CSMD1: variants seen among roughly 807,000 people sequenced by gnomAD.
CSMD1 encodes the protein CUB and Sushi multiple domains 1.
In CSMD1, 213 loss-of-function variants were observed where a neutral mutation model predicts 417.5. That is an observed-to-expected ratio of 0.51 (90% confidence interval 0.46 to 0.57). The LOEUF (loss-of-function observed/expected upper bound fraction) is 0.57, where lower values mean the gene tolerates loss of function less well. Ranked by LOEUF, CSMD1 falls within the 20% of genes least tolerant of loss-of-function variation. The pLI is 0.00. For missense variants in CSMD1, 6,923 were observed against 4,529.7 expected (o/e 1.53, Z -15.17); for synonymous variants, 2,862 against 1,736.8 (o/e 1.65, Z -16.11).
intron 10 of CSMD1, among the ~76,000 whole-genome samples, chr8:3,565,159 A>AG (rs1227116385): frequency 2.8e-4 from 38 of 138,060 alleles, no homozygotes; most frequent in African/African-American, 1.0e-3. Context: ...AAAAAAAAAA[A>AG]AGAGAGAGAT....
Position 3,146,372 on chromosome 8 carries a change from T to C in CSMD1, c.6032-3698A>G, listed in dbSNP as rs1040390933. Among the ~76,000 whole-genome samples, 6 of 152,184 alleles carry C rather than the reference T, an allele frequency of 3.9e-5. No individual in the cohort carries two copies. In the South Asian group the frequency reaches 6.2e-4, roughly 16 times the overall value. On this transcript the variant is annotated intron_variant, in intron 40 of 69. Transcript: ENST00000635120. ...GCACACAACTATCAGGTTTAGCTAC[T>C]AGATAAGTAAACTAGAATTTGGTTT...
At chr8:4,212,498 A>G (rs1022872347) in intron 3 of CSMD1, among the ~76,000 whole-genome samples, 1 of 152,074 alleles carries the variant, frequency 6.6e-6, no homozygotes, top group Non-Finnish European at 1.5e-5. Context: ...AAGCGATCCT[A>G]AAGCTTATTT....
intron 1 of CSMD1, among the ~76,000 whole-genome samples, chr8:4,921,520 A>G (rs1441399985): frequency 6.6e-6 from 1 of 152,232 alleles, no homozygotes; most frequent in East Asian, 1.9e-4. Context: ...TGGAATCACT[A>G]TATAGTTGGT....
chr8:3,111,235 G>GT (rs1433340123), intron 42 of CSMD1, among the ~76,000 whole-genome samples: 2 of 152,184 alleles, frequency 1.3e-5, no homozygotes, highest in Non-Finnish European at 2.9e-5. Context: ...GAAAAGTTTA[G>GT]TAACAAATGA....
intron 7 of CSMD1, among the ~76,000 whole-genome samples, chr8:3,661,298 C>G (rs1229283029): frequency 6.6e-6 from 1 of 152,154 alleles, no homozygotes; most frequent in African/African-American, 2.4e-5. Flanking sequence ...GCTGAGCGTT[C>G]AAACTGTGCT....
rs1479447316 is a variant in CSMD1, at chr8:4,461,491, C to T, written c.303-41426G>A. On this transcript the variant is annotated intron_variant, in intron 2 of 69. Coordinates refer to ENST00000635120, the MANE Select transcript of CSMD1 (RefSeq NM_033225.6). ...ATTAAAAACTATTAGAATTTAAGAA[C>T]ATCTCCAGCAAGGTTACAGAGTAGA... is the stretch of plus-strand genomic sequence containing the variant. 2.1e-5 allele frequency among the ~76,000 whole-genome samples: 3 copies of T among 144,728 alleles called. No individual in the cohort carries two copies. The Admixed American group carries it at 2.2e-4, about 10-fold the overall frequency. The allele number at this position is 144,728 out of a possible 152,430, so 94.9% of individuals were successfully genotyped here. A position where few individuals can be genotyped will look rare whatever the true frequency, so the allele number is the denominator to read the frequency against.
chr8:4,143,143 G>A (rs1025698347), intron 3 of CSMD1, among the ~76,000 whole-genome samples: 1 of 130,800 alleles, frequency 7.6e-6, no homozygotes, highest in African/African-American at 2.8e-5. Flanking sequence ...CATTTCTAGA[G>A]AAACAAATGC....
chr8:4,021,699 T>C (rs535119015), intron 4 of CSMD1, among the ~76,000 whole-genome samples: 5 of 152,314 alleles, frequency 3.3e-5, no homozygotes, highest in African/African-American at 1.2e-4. Context: ...GGAGTGACTA[T>C]TTTTTTCTCT....
chr8:3,805,342 C>A (rs1317826414), intron 5 of CSMD1, among the ~76,000 whole-genome samples: 1 of 152,134 alleles, frequency 6.6e-6, no homozygotes, highest in Non-Finnish European at 1.5e-5. Flanking sequence ...ACAACTTTTT[C>A]CAGGATACCA....
At chr8:4,741,770 C>A (rs376910553) in intron 1 of CSMD1, among the ~76,000 whole-genome samples, 1 of 152,092 alleles carries the variant, frequency 6.6e-6, no homozygotes, top group Non-Finnish European at 1.5e-5. Flanking sequence ...CAACCCAGAC[C>A]TGCAGGATGC....
chr8:3,912,003 G>A (rs567449042), intron 5 of CSMD1, among the ~76,000 whole-genome samples: 2 of 152,064 alleles, frequency 1.3e-5, no homozygotes, highest in South Asian at 2.1e-4. Flanking sequence ...TAGTTCAAAG[G>A]ATCACCAATT....
At chr8:3,510,519 G>A (rs1027372946) in intron 10 of CSMD1, among the ~76,000 whole-genome samples, 2 of 151,834 alleles carry the variant, frequency 1.3e-5, no homozygotes, top group African/African-American at 4.9e-5. Flanking sequence ...GAAAATCTTA[G>A]AAGGTCTTTA....
At chr8:3,129,213 G>C (rs1163883365) in intron 41 of CSMD1, among the ~76,000 whole-genome samples, 1 of 152,158 alleles carries the variant, frequency 6.6e-6, no homozygotes, top group Non-Finnish European at 1.5e-5. Context: ...AAAAGGGAAA[G>C]GGGATTTATG....
chr8:4,247,782 G>A (rs1802802748), intron 3 of CSMD1, among the ~76,000 whole-genome samples: 3 of 152,040 alleles, frequency 2.0e-5, no homozygotes, highest in African/African-American at 4.8e-5. Flanking sequence ...AATAGAATCT[G>A]AAAAAAGTAC....
intron 3 of CSMD1, among the ~76,000 whole-genome samples, chr8:4,415,074 T>G (rs571175075): frequency 4.6e-5 from 7 of 152,316 alleles, no homozygotes; most frequent in Admixed American, 3.3e-4. Context: ...CAGCTTTTTT[T>G]GCAAAGGATC....
chr8:4,921,187 C>G (rs112139102), intron 1 of CSMD1, among the ~76,000 whole-genome samples: 3 of 152,010 alleles, frequency 2.0e-5, no homozygotes, highest in Non-Finnish European at 2.9e-5. Context: ...CAGAAACAGG[C>G]AATTTCAAGT....
rs80211417 is a variant in CSMD1 at position 3,184,526 on chromosome 8, G to C, written c.5621-3312C>G. ...ATCTCCTGCCTGGGCTAATGAAATAGCCATCAACTGAGCTTCAGAATGGAT... is the reference window on the plus strand; with the variant it reads ...ATCTCCTGCCTGGGCTAATGAAATACCCATCAACTGAGCTTCAGAATGGAT... On this transcript the variant is annotated intron_variant, in intron 36 of 69. Coordinates refer to ENST00000635120, the MANE Select transcript of CSMD1 (RefSeq NM_033225.6). Among the ~76,000 whole-genome samples the C allele has an allele frequency of 5.9e-5, 9 of 152,170 alleles. No individual in the cohort carries two copies. In the South Asian group the frequency reaches 8.3e-4, roughly 14 times the overall value.
intron 2 of CSMD1, among the ~76,000 whole-genome samples, chr8:4,614,780 T>C (rs557231975): frequency 2.6e-5 from 4 of 152,260 alleles, no homozygotes; most frequent in East Asian, 1.9e-4. Flanking sequence ...GACTACAATA[T>C]GTCTGTAGAA....
intron 3 of CSMD1, among the ~76,000 whole-genome samples, chr8:4,327,717 G>C (rs1489731402): frequency 2.0e-5 from 3 of 152,136 alleles, no homozygotes; most frequent in African/African-American, 4.8e-5. Flanking sequence ...AGTTTAAAAT[G>C]AATAACAAGA....
Sources: gnomAD v4.1 joint callset for allele counts (sites outside exome capture counted in the v4.1 genomes callset) on GRCh38, gnomAD v4.1.1 for gene constraint, MANE v1.5 for transcripts, NCBI Gene and HGNC (gene_info 2026-07-23, HGNC 2026-07-21) for gene names.